CMTM4: variants seen among roughly 807,000 people sequenced by gnomAD.
The protein encoded by CMTM4 is CKLF like MARVEL transmembrane domain containing 4.
CMTM4 carries 8 observed loss-of-function variants against 19.0 expected under a neutral mutation model. The ratio of observed to expected loss-of-function variants is 0.42; its 90% CI spans 0.25 to 0.76. The LOEUF (loss-of-function observed/expected upper bound fraction) is 0.76. Among genes scored for constraint, CMTM4 ranks in the 30% least tolerant of loss-of-function variants. CMTM4 has a pLI of 0.27. For synonymous variants in CMTM4, 106 were observed against 121.1 expected, an observed-to-expected ratio of 0.88 and a Z score of 0.82; for missense variants, 228 against 290.2, an observed-to-expected ratio of 0.79 and a Z score of 1.56.
chr16:66,612,712 G>A, downstream of CMTM4: 1 of 1,463,980 alleles, frequency 6.8e-7, no homozygotes, highest in South Asian at 1.2e-5. This position sits in a 1 kb window ranked among gnomAD's most constrained non-coding sequence, Gnocchi z 6.0. Context: ...CGCTGGCGTT[G>A]GAGCGGAGGC....
At chr16:66,678,596 C>T (rs1340526670) in intron 1 of CMTM4, among the ~76,000 whole-genome samples, 1 of 152,192 alleles carries the variant, frequency 6.6e-6, no homozygotes, top group East Asian at 1.9e-4. Flanking sequence ...GCAAATGATC[C>T]TCATCTATAA....
intron 1 of CMTM4, among the ~76,000 whole-genome samples, chr16:66,672,924 CTTT>C (rs150720178): frequency 1.9e-5 from 2 of 107,926 alleles, no homozygotes; most frequent in Non-Finnish European, 1.9e-5. Flanking sequence ...CTGCGCCTGG[CTTT>C]TTTTTTTTTT....
chr16:66,634,382 T>C (rs355973), intron 2 of CMTM4, among the ~76,000 whole-genome samples: 7,497 of 150,932 alleles, frequency 0.05, 295 homozygotes, highest in Admixed American at 0.11. Context: ...GGAGGTTTCA[T>C]TGAGCCGAGA....
Position 66,696,482 on chromosome 16 carries a change from G to A in CMTM4, c.44C>T (p.Ser15Leu). 2 of 1,272,202 alleles carry A rather than the reference G, an allele frequency of 1.6e-6. No homozygotes were observed. The highest frequency in any genetic ancestry group is 2.0e-6 in the Non-Finnish European group (2 of 1,006,916). 78.8% of individuals were successfully genotyped at this position (1,272,202 alleles called of 1,614,324 possible). A position where few individuals can be genotyped will look rare whatever the true frequency, so the allele number is the denominator to read the frequency against. Residue 15 changes from serine to leucine, a missense_variant, in exon 1 of 4, where the codon TCG becomes TTG. Coordinates refer to ENST00000394106, the MANE Select transcript of CMTM4 (RefSeq NM_181521.3). This position sits in a 1 kb window ranked among gnomAD's most constrained non-coding sequence, Gnocchi z 4.3. ...GGCGCCCGAGATCATGGAGGTGCTCGAGGCCTCGCCCTCGAAGCCGTCCAG... is the reference window on the plus strand; with the variant it reads ...GGCGCCCGAGATCATGGAGGTGCTCAAGGCCTCGCCCTCGAAGCCGTCCAG... ...EELDGFEGEASSTSMISGASS... is the reference protein window; with the variant it reads ...EELDGFEGEALSTSMISGASS...
chr16:66,645,328 C>T (rs2016172420), intron 1 of CMTM4, among the ~76,000 whole-genome samples: 1 of 150,912 alleles, frequency 6.6e-6, no homozygotes, highest in African/African-American at 2.4e-5. Context: ...GCCTGCAATC[C>T]CAGCACTTTG....
chr16:66,612,523 C>A, downstream of CMTM4: 1 of 1,427,294 alleles, frequency 7.0e-7, no homozygotes. This position sits in a 1 kb window ranked among gnomAD's most constrained non-coding sequence, Gnocchi z 6.0. Flanking sequence ...CTCCTGCCAG[C>A]AACCCAGCTG....
At chr16:66,601,123 G>C in the CMTM4 span, among the ~76,000 whole-genome samples, 3 of 151,932 alleles carry the variant, frequency 2.0e-5, no homozygotes, top group Non-Finnish European at 2.9e-5. Context: ...GTGTGTGTGT[G>C]TGTGTGTGTG....
intron 1 of CMTM4, among the ~76,000 whole-genome samples, chr16:66,681,754 G>A (rs1057152035): frequency 3.3e-5 from 5 of 151,984 alleles, no homozygotes; most frequent in African/African-American, 1.2e-4. Context: ...TAACAAATCG[G>A]CCCCTCACCA....
At chr16:66,669,718 G>C (rs532331654) in intron 1 of CMTM4, among the ~76,000 whole-genome samples, 1 of 151,700 alleles carries the variant, frequency 6.6e-6, no homozygotes, top group African/African-American at 2.4e-5. Context: ...ATTTTTTTTT[G>C]TATTTTTAGT....
intron 1 of CMTM4, among the ~76,000 whole-genome samples, chr16:66,653,859 C>T (rs1382650309): frequency 2.0e-5 from 3 of 152,068 alleles, no homozygotes; most frequent in African/African-American, 4.8e-5. Context: ...CTCAGCCACC[C>T]GAGTAGCTGG....
intron 2 of CMTM4, among the ~76,000 whole-genome samples, chr16:66,630,096 T>C (rs886853002): frequency 1.1e-4 from 17 of 152,074 alleles, no homozygotes; most frequent in Admixed American, 9.8e-4. Context: ...GCACCCCTTT[T>C]GCAGCTGGTG....
At chr16:66,604,608 C>G in the CMTM4 span, 1 of 379,330 alleles carries the variant, frequency 2.6e-6, no homozygotes, top group Admixed American at 4.8e-5. Flanking sequence ...GGCCCAGCAT[C>G]CCCCGCAGCC....
chr16:66,690,403 G>C (rs2017113417), intron 1 of CMTM4, among the ~76,000 whole-genome samples: 1 of 152,194 alleles, frequency 6.6e-6, no homozygotes, highest in African/African-American at 2.4e-5. Flanking sequence ...GAGGGGATTT[G>C]GGGCTGATAA....
At chr16:66,623,903 TG>T (rs954530604) in intron 2 of CMTM4, among the ~76,000 whole-genome samples, 33 of 152,288 alleles carry the variant, frequency 2.2e-4, no homozygotes, top group Non-Finnish European at 2.6e-4. Context: ...TGCACTCACA[TG>T]TGACATTCAA....
At chr16:66,640,374 G>A (rs2016077276) in intron 1 of CMTM4, among the ~76,000 whole-genome samples, 1 of 152,190 alleles carries the variant, frequency 6.6e-6, no homozygotes, top group South Asian at 2.1e-4. Context: ...AGACAGAGTT[G>A]CCGAACATAT....
At position 66,618,817 on chromosome 16, in the gene CMTM4, C is replaced by T. The variant is rs2015573916; in HGVS notation, c.*3241G>A. 1.0e-6 allele frequency: 1 copy of T among 985,496 alleles called. No individual in the cohort carries two copies. The highest frequency in any genetic ancestry group is 1.7e-5 in the African/African-American group (1 of 57,374). 61.0% of individuals were successfully genotyped at this position (985,496 alleles called of 1,614,324 possible). A position where few individuals can be genotyped will look rare whatever the true frequency, so the allele number is the denominator to read the frequency against. On this transcript the variant is annotated 3_prime_UTR_variant, in exon 4 of 4. Transcript: ENST00000394106. ...ACATAGGGTGGAGGTCAGACACATT[C>T]CCTGGCTGCCCACAGGCGTGAGCCT...
At chr16:66,608,228 G>T in the CMTM4 span, 2 of 1,521,534 alleles carry the variant, frequency 1.3e-6, no homozygotes, top group Non-Finnish European at 1.8e-6. The surrounding 1 kb of genome is among the most constrained non-coding windows in gnomAD (Gnocchi z 5.1). Flanking sequence ...CCTCTATCCT[G>T]ACCACAGGGC....
rs115755678 is a variant in CMTM4 at position 66,620,900 on chromosome 16, T to A, written c.*1158A>T. The A allele has an allele frequency of 1.6e-3, 1,570 of 985,818 alleles. 20 individuals carry two copies. The African/African-American group carries it at 0.024, about 15-fold the overall frequency. 61.1% of individuals were successfully genotyped at this position (985,818 alleles called of 1,614,324 possible). ...TCACCACACACAATAATCTTCACTT[T>A]ATCAAGAATCAATCAGAAACCTTAA... On this transcript the variant is annotated 3_prime_UTR_variant, in exon 4 of 4. Transcript: ENST00000394106.
Position 66,618,562 on chromosome 16 carries a change from C to T in CMTM4, c.*3496G>A, listed in dbSNP as rs1034373767. 2.3e-5 allele frequency: 23 copies of T among 985,336 alleles called. No homozygotes were observed. The highest frequency in any genetic ancestry group is 2.8e-5 in the Non-Finnish European group (23 of 829,972). The allele number at this position is 985,336 out of a possible 1,614,324, so 61.0% of individuals were successfully genotyped here. ...TCATGTGAATCTACAAGAAAAGGTA[C>T]GCCTGGGCCACACGCAGGACATGGC... On this transcript the variant is annotated 3_prime_UTR_variant, in exon 4 of 4. Coordinates refer to ENST00000394106, the MANE Select transcript of CMTM4 (RefSeq NM_181521.3).
Sources: allele counts gnomAD v4.1 joint callset (sites outside exome capture counted in the v4.1 genomes callset), GRCh38; gene constraint gnomAD v4.1.1; non-coding constraint Gnocchi (gnomAD v3.1); transcripts MANE v1.5; gene names NCBI Gene and HGNC (gene_info 2026-07-23, HGNC 2026-07-21).